Variants in GOT2 observed in about 807,000 individuals in gnomAD.
GOT2 encodes aspartate aminotransferase, mitochondrial.
GOT2 carries 17 observed loss-of-function variants against 50.0 expected under a neutral mutation model. The ratio of observed to expected loss-of-function variants is 0.34; its 90% CI spans 0.23 to 0.51. The LOEUF (loss-of-function observed/expected upper bound fraction) is 0.51, where lower values mean the gene tolerates loss of function less well. Among genes scored for constraint, GOT2 ranks in the 20% least tolerant of loss-of-function variants. GOT2 has a pLI of 0.97. For synonymous variants in GOT2, 172 were observed against 204.9 expected, an observed-to-expected ratio of 0.84 and a Z score of 1.37; for missense variants, 430 against 559.6, an observed-to-expected ratio of 0.77 and a Z score of 2.34.
intron 9 of GOT2, chr16:58,708,973 C>T (rs1287220113): frequency 6.5e-6 from 1 of 153,836 alleles, no homozygotes. Context: ...ATGAAGAATC[C>T]TTCTGGGGCT....
chr16:58,734,026 C>CGTGTGA (rs1329442613), intron 1 of GOT2, 114 bp downstream of exon 1: 2 of 454,386 alleles, frequency 4.4e-6, no homozygotes, highest in African/African-American at 2.1e-5. Context: ...TGTGTGTGTG[C>CGTGTGA]GTGTGAGTGA....
At chr16:58,713,245 T>C (rs1020763632) in intron 8 of GOT2, among the ~76,000 whole-genome samples, 4 of 152,214 alleles carry the variant, frequency 2.6e-5, no homozygotes, top group African/African-American at 9.6e-5. Context: ...TCACAAACTT[T>C]CTGAAATATA....
Position 58,707,424 on chromosome 16 carries a change from C to T in GOT2, c.*747G>A, listed in dbSNP as rs913396670. The T allele has an allele frequency of 6.6e-6, 1 of 152,140 alleles. No homozygotes were observed. Among genetic ancestry groups the T allele is most frequent in the African/African-American group, 2.4e-5 (1 of 41,442 alleles). The allele number at this position is 152,140 out of a possible 1,614,324, so 9.4% of individuals were successfully genotyped here. A position where few individuals can be genotyped will look rare whatever the true frequency, so the allele number is the denominator to read the frequency against. On this transcript the variant is annotated 3_prime_UTR_variant, in exon 10 of 10. Coordinates refer to ENST00000245206, the MANE Select transcript of GOT2 (RefSeq NM_002080.4). Reference sequence around the variant, plus strand: ...GGATGCCGAGATAAAGTACAGTTTCCTACTCTCCACTATTCTTTGCTGAAA... The same window carrying T: ...GGATGCCGAGATAAAGTACAGTTTCTTACTCTCCACTATTCTTTGCTGAAA...
intron 1 of GOT2, among the ~76,000 whole-genome samples, chr16:58,729,809 C>T (rs1379719863): frequency 6.6e-6 from 1 of 152,036 alleles, no homozygotes; most frequent in Non-Finnish European, 1.5e-5. Context: ...GCAGGCCCAC[C>T]ACCCTCCCTC....
At position 58,729,823 on chromosome 16, in the gene GOT2, C is replaced by T. The variant is rs534887576; in HGVS notation, c.89+4317G>A. Among the ~76,000 whole-genome samples the T allele has an allele frequency of 8.7e-4, 132 of 152,160 alleles. No homozygotes were observed. In the Middle Eastern group the frequency reaches 0.01, roughly 12 times the overall value. On this transcript the variant is annotated intron_variant, in intron 1 of 9. Transcript: ENST00000245206. ...CGCAGGCCCACCACCCTCCCTCAGCCCCAGCCCTCCAGCCTCTGTCTTTTA... is the reference window on the plus strand; with the variant it reads ...CGCAGGCCCACCACCCTCCCTCAGCTCCAGCCCTCCAGCCTCTGTCTTTTA...
intron 8 of GOT2, among the ~76,000 whole-genome samples, chr16:58,714,241 G>A (rs1372062103): frequency 6.6e-6 from 1 of 151,850 alleles, no homozygotes; most frequent in African/African-American, 2.4e-5. Flanking sequence ...GTAAGATGCA[G>A]TTGGCATTTA....
intron 1 of GOT2, among the ~76,000 whole-genome samples, chr16:58,725,036 T>G (rs1036146337): frequency 1.3e-5 from 2 of 152,180 alleles, no homozygotes; most frequent in Non-Finnish European, 2.9e-5. Flanking sequence ...ATGTTTTTCT[T>G]ATTAGACTGG....
chr16:58,708,352 G>C (rs1252908032), intron 9 of GOT2, 59 bp from the exon 10 acceptor site: 24 of 1,562,008 alleles, frequency 1.5e-5, no homozygotes, highest in Non-Finnish European at 1.7e-5. Context: ...TCCCCGGCCT[G>C]ACATGGCACA....
chr16:58,710,047 G>C (rs191972127), intron 8 of GOT2, among the ~76,000 whole-genome samples: 21 of 152,264 alleles, frequency 1.4e-4, no homozygotes, highest in Admixed American at 1.2e-3. Context: ...ATGTTTGGTA[G>C]GTTAAGTGTA....
intron 3 of GOT2, among the ~76,000 whole-genome samples, chr16:58,719,578 C>T (rs562235337): frequency 1.1e-4 from 17 of 150,730 alleles, no homozygotes; most frequent in African/African-American, 1.9e-4. Flanking sequence ...GCCAACATGG[C>T]GAGACCCTGT....
chr16:58,710,860 G>T (rs2152093470), intron 8 of GOT2, among the ~76,000 whole-genome samples: 1 of 151,540 alleles, frequency 6.6e-6, no homozygotes, highest in East Asian at 2.0e-4. Context: ...CTCAGCTGCT[G>T]GGGAGGCTGA....
Position 58,723,902 on chromosome 16 carries a change from G to T in GOT2, c.90C>A (p.Ser30Arg). 1 of 1,612,498 alleles carries T rather than the reference G, an allele frequency of 6.2e-7. No individual in the cohort carries two copies. The highest frequency in any genetic ancestry group is 2.2e-5 in the East Asian group (1 of 44,868). The change falls in exon 2 of 10, where the codon AGC (serine) becomes AGA (arginine). Residue 30 changes from serine (S) to arginine (R), a missense_variant and splice_region_variant. Transcript: ENST00000245206. ...GLAAAASARA[S>R]SWWTHVEMGP... ...CCATTTCCACATGGGTCCACCAGGA[G>T]CTGAAATGAGAAACACATTAGCTCA... is the stretch of plus-strand genomic sequence containing the variant.
At chr16:58,718,760 G>T (rs2044717068) in intron 4 of GOT2, 72 bp from the exon 5 acceptor site, 2 of 1,281,848 alleles carry the variant, frequency 1.6e-6, no homozygotes, top group African/African-American at 1.5e-5. Flanking sequence ...GTGTTTTATT[G>T]AGAGAACATT....
intron 7 of GOT2, 137 bp downstream of exon 7, chr16:58,716,526 A>G (rs2044694014): frequency 5.5e-6 from 4 of 725,480 alleles, no homozygotes; most frequent in Non-Finnish European, 8.9e-6. Context: ...CTGGTCTTTC[A>G]TCTTAGGGTA....
At position 58,733,979 on chromosome 16, in the gene GOT2, C is replaced by T. The variant is rs866941432; in HGVS notation, c.89+161G>A. On this transcript the variant is annotated intron_variant, in intron 1 of 9. Transcript: ENST00000245206. ...GGGCACGGACGCTCAATCCTCAGTC[C>T]CCAGTAAGGGAAAGCCGAGGGGGTG... is the stretch of plus-strand genomic sequence containing the variant. 68 of 406,752 alleles carry T rather than the reference C, an allele frequency of 1.7e-4. No individual in the cohort carries two copies. The Middle Eastern group carries it at 3.6e-3, about 22-fold the overall frequency. 25.2% of individuals were successfully genotyped at this position (406,752 alleles called of 1,614,324 possible).
intron 3 of GOT2, among the ~76,000 whole-genome samples, chr16:58,720,578 A>ATTT (rs567374817): frequency 5.0e-4 from 70 of 141,036 alleles, no homozygotes; most frequent in East Asian, 1.4e-3. Flanking sequence ...AGGCACAACA[A>ATTT]TTTTTTTTTT....
intron 2 of GOT2, among the ~76,000 whole-genome samples, 154 bp downstream of exon 2, chr16:58,723,592 G>A (rs2044757561): frequency 6.6e-6 from 1 of 152,160 alleles, no homozygotes; most frequent in South Asian, 2.1e-4. Context: ...CAGTCAAGGA[G>A]ACTACAGCCC....
intron 1 of GOT2, among the ~76,000 whole-genome samples, chr16:58,732,888 T>G (rs1019461285): frequency 3.3e-5 from 5 of 152,178 alleles, no homozygotes; most frequent in African/African-American, 7.2e-5. Flanking sequence ...TCTGGCCCAC[T>G]AGGTAGGCAG....
intron 8 of GOT2, among the ~76,000 whole-genome samples, 183 bp downstream of exon 8, chr16:58,715,831 C>A (rs75241882): frequency 6.6e-6 from 1 of 152,110 alleles, no homozygotes; most frequent in African/African-American, 2.4e-5. Context: ...CGATTACAGG[C>A]GTGAGCCACT....
Sources: allele counts gnomAD v4.1 joint callset (sites outside exome capture counted in the v4.1 genomes callset), GRCh38; gene constraint gnomAD v4.1.1; transcripts MANE v1.5; gene names NCBI Gene and HGNC (gene_info 2026-07-23, HGNC 2026-07-21).